Variants in LENG8 observed in about 807,000 individuals in gnomAD.
The protein encoded by LENG8 is leukocyte receptor cluster member 8.
Under a neutral mutation model 102.1 loss-of-function variants are expected in LENG8, and 28 were observed. The ratio of observed to expected loss-of-function variants is 0.27; its 90% CI spans 0.20 to 0.38. LENG8 has a LOEUF of 0.38. Among genes scored for constraint, LENG8 ranks in the 10% least tolerant of loss-of-function variants. LENG8 has a pLI of 1.00. For synonymous variants in LENG8, 531 were observed against 456.7 expected (o/e 1.16, Z -2.07); for missense variants, 1,022 against 1,113.9 (o/e 0.92, Z 1.17).
rs1265228503 is a variant in LENG8 at position 54,454,425 on chromosome 19, T to C, written c.427-5T>C. 1 of 1,597,822 alleles carries C rather than the reference T, an allele frequency of 6.3e-7. No homozygotes were observed. The highest frequency in any genetic ancestry group is 1.7e-5 in the Admixed American group (1 of 58,660). ...CCCGTGCTCAGCGCCTGCTTCCTTC[T>C]GCAGCCCCCAGTCCCCGGCATGGAT... On this transcript the variant is annotated splice_polypyrimidine_tract_variant and splice_region_variant and intron_variant, in intron 5 of 15. Transcript: ENST00000326764.
Position 54,461,055 on chromosome 19 carries a change from C to T in LENG8, c.*127C>T, listed in dbSNP as rs938151600. ...GGGAGTGCGCTCCAGGAAGAGCCAC[C>T]ATCCCTGCCCCCGTTTTCCCACCGG... On this transcript the variant is annotated 3_prime_UTR_variant, in exon 16 of 16. Coordinates refer to ENST00000326764, the MANE Select transcript of LENG8 (RefSeq NM_052925.4). 8.6e-5 allele frequency: 116 copies of T among 1,356,228 alleles called. No individual in the cohort carries two copies. The highest frequency in any genetic ancestry group is 1.1e-4 in the Non-Finnish European group (112 of 992,932). The allele number at this position is 1,356,228 out of a possible 1,614,324, so 84.0% of individuals were successfully genotyped here.
intron 7 of LENG8, 102 bp from the exon 8 acceptor site, chr19:54,455,262 C>T: frequency 6.6e-7 from 1 of 1,512,150 alleles, no homozygotes; most frequent in Admixed American, 1.7e-5. Context: ...AGAAGGAAAA[C>T]TTGGGGACTG....
intron 9 of LENG8, 37 bp downstream of exon 9, chr19:54,456,282 G>C (rs369291828): frequency 1.9e-6 from 3 of 1,614,094 alleles, no homozygotes; most frequent in African/African-American, 1.3e-5. Flanking sequence ...GTGTGAGGGA[G>C]GGGGAGGCGT....
chr19:54,461,583 C>A lies in LENG8; in HGVS notation c.*655C>A, dbSNP rs756590621. The A allele has an allele frequency of 2.1e-6, 1 of 472,638 alleles. No homozygotes were observed. The allele number at this position is 472,638 out of a possible 1,614,324, so 29.3% of individuals were successfully genotyped here. On this transcript the variant is annotated 3_prime_UTR_variant, in exon 16 of 16. Coordinates refer to ENST00000326764, the MANE Select transcript of LENG8 (RefSeq NM_052925.4). ...GTCTCAAGTTGTATAAAGTTGTCTC[C>A]GTGTCCCCTCCTCCCTCTGCCCCCA...
chr19:54,460,818 G>T lies in LENG8; in HGVS notation c.2293G>T (p.Gly765Cys). 2 of 1,584,984 alleles carry T rather than the reference G, an allele frequency of 1.3e-6. No homozygotes were observed. The highest frequency in any genetic ancestry group is 2.3e-5 in the East Asian group (1 of 42,730). ...CCTGCAGGCCGAGCTGGCCTTCGAG[G>T]GCGAGGCCGCCTGCCGGGCCTTCCT... is the stretch of plus-strand genomic sequence containing the variant. ...SYLQAELAFEGEAACRAFLEP... is the reference protein window; with the variant it reads ...SYLQAELAFECEAACRAFLEP... Residue 765 changes from glycine to cysteine, a missense_variant, in exon 16 of 16, where the codon GGC becomes TGC. Gly to Cys is a radical substitution (Grantham distance 159). Coordinates refer to ENST00000326764, the MANE Select transcript of LENG8 (RefSeq NM_052925.4).
intron 11 of LENG8, among the ~76,000 whole-genome samples, chr19:54,457,515 ATTT>A (rs1248820688): frequency 6.6e-6 from 1 of 151,134 alleles, no homozygotes; most frequent in Non-Finnish European, 1.5e-5. Context: ...TGATTTTTGT[ATTT>A]TTAGTAGAGA....
chr19:54,451,177 C>T, intron 1 of LENG8, 113 bp from the exon 2 acceptor site: 2 of 699,382 alleles, frequency 2.9e-6, no homozygotes, highest in South Asian at 1.7e-5. Flanking sequence ...GCTTTTCAGT[C>T]AGCCTCCCCT....
At position 54,451,309 on chromosome 19, in the gene LENG8, G is replaced by A; in HGVS notation, c.-36G>A. Reference sequence around the variant, plus strand: ...TCATAGACAGTGAAAAAGCAGTCTGGCTCCCGAGGTCCACCCCTTATACCC... The same window carrying A: ...TCATAGACAGTGAAAAAGCAGTCTGACTCCCGAGGTCCACCCCTTATACCC... On this transcript the variant is annotated 5_prime_UTR_variant, in exon 2 of 16. Coordinates refer to ENST00000326764, the MANE Select transcript of LENG8 (RefSeq NM_052925.4). 6.2e-7 allele frequency: 1 copy of A among 1,612,854 alleles called. No homozygotes were observed. Among genetic ancestry groups the A allele is most frequent in the Non-Finnish European group, 8.5e-7 (1 of 1,178,854 alleles).
chr19:54,454,621 A>G lies in LENG8; in HGVS notation c.618A>G (p.Pro206=), dbSNP rs762697433. The part of the protein sequence containing the change: ...AGPATGQAYG[P]HTYTEPAKPK... The stretch of plus-strand genomic sequence containing the variant: ...CCGCCACGGGCCAGGCCTATGGGCC[A>G]CACACCTACACCGAACCTGCCAAGC... Residue 206 remains proline (P), a synonymous_variant, in exon 6 of 16, where the codon CCA becomes CCG. Coordinates refer to ENST00000326764, the MANE Select transcript of LENG8 (RefSeq NM_052925.4). 11 of 1,609,728 alleles carry G rather than the reference A, an allele frequency of 6.8e-6. No homozygotes were observed. Among genetic ancestry groups the G allele is most frequent in the Non-Finnish European group, 8.5e-6 (10 of 1,179,278 alleles).
chr19:54,455,505 G>C lies in LENG8; in HGVS notation c.963G>C (p.Leu321=), dbSNP rs563142372. The C allele has an allele frequency of 1.2e-6, 2 of 1,614,030 alleles. No homozygotes were observed. Among genetic ancestry groups the C allele is most frequent in the South Asian group, 1.1e-5 (1 of 91,078 alleles). ...CGGAAAAGCTGCTCAAGGAGGTGCT[G>C]CAGGCGCGGCTGCAGGACGGCTCGG... is the stretch of plus-strand genomic sequence containing the variant. ...DRTEKLLKEV[L]QARLQDGSAY... The change falls in exon 8 of 16, where the codon CTG becomes CTC. Residue 321 remains leucine, a synonymous_variant. Coordinates refer to ENST00000326764, the MANE Select transcript of LENG8 (RefSeq NM_052925.4).
chr19:54,460,718 T>TTGGCG, intron 15 of LENG8, 48 bp from the exon 16 acceptor site: 1 of 1,048,034 alleles, frequency 9.5e-7, no homozygotes, highest in Non-Finnish European at 1.3e-6. Flanking sequence ...GGCCCTCCCC[T>TTGGCG]GCCCTCCCGC....
chr19:54,455,523 C>A lies in LENG8; in HGVS notation c.981C>A (p.Asp327Glu). The change falls in exon 8 of 16, where the codon GAC (aspartate) becomes GAA (glutamate). Residue 327 changes from aspartate to glutamate, a missense_variant. By Grantham distance (45) the Asp-to-Glu change is conservative. Coordinates refer to ENST00000326764, the MANE Select transcript of LENG8 (RefSeq NM_052925.4). Reference protein sequence around the residue: ...LKEVLQARLQDGSAYTIDWSR... With the variant: ...LKEVLQARLQEGSAYTIDWSR... ...AGGTGCTGCAGGCGCGGCTGCAGGACGGCTCGGCCTATACCATTGACTGGA... is the reference window on the plus strand; with the variant it reads ...AGGTGCTGCAGGCGCGGCTGCAGGAAGGCTCGGCCTATACCATTGACTGGA... 5 of 1,613,568 alleles carry A rather than the reference C, an allele frequency of 3.1e-6. No individual in the cohort carries two copies. The highest frequency in any genetic ancestry group is 4.2e-6 in the Non-Finnish European group (5 of 1,179,944).
chr19:54,449,949 G>C (rs1259223052), intron 1 of LENG8, among the ~76,000 whole-genome samples: 10 of 152,216 alleles, frequency 6.6e-5, no homozygotes. Flanking sequence ...GCGTTTCTAG[G>C]GCTTTTCCCC....
Position 54,461,849 on chromosome 19 carries a change from G to T in LENG8, c.*921G>T. The T allele has an allele frequency of 1.6e-5, 8 of 508,850 alleles. No individual in the cohort carries two copies. Among genetic ancestry groups the T allele is most frequent in the East Asian group, 5.5e-5 (1 of 18,100 alleles). 31.5% of individuals were successfully genotyped at this position (508,850 alleles called of 1,614,324 possible). ...GCCATGTAACTGGAGGATGTGCTAT[G>T]AGTTTGCAAACAGCTGGACTGTCAG... On this transcript the variant is annotated 3_prime_UTR_variant, in exon 16 of 16. Coordinates refer to ENST00000326764, the MANE Select transcript of LENG8 (RefSeq NM_052925.4).
At chr19:54,460,208 G>C in intron 15 of LENG8, 2 of 1,289,752 alleles carry the variant, frequency 1.6e-6, no homozygotes, top group African/African-American at 1.5e-5. Context: ...GGAAAGGGTA[G>C]GGCTGCACCC....
In LENG8 at chr19:54,456,240, C is replaced by T. The variant is rs1193071522; in HGVS notation, c.1299C>T (p.Arg433=). The change falls in exon 9 of 16, where the codon CGC becomes CGT. Residue 433 remains arginine (R), a synonymous_variant. Transcript: ENST00000326764. ...SSSRSPTRHF[R]RSDSHSDSDS... The stretch of plus-strand genomic sequence containing the variant: ...CCAGGTCCCCGACGCGCCACTTCCG[C>T]AGAAGGTACTGAGGCTCCCGGCTGG... The T allele has an allele frequency of 2.5e-6, 4 of 1,613,742 alleles. No individual in the cohort carries two copies. Among genetic ancestry groups the T allele is most frequent in the Non-Finnish European group, 3.4e-6 (4 of 1,179,794 alleles).
chr19:54,460,585 A>C (rs984365452), intron 15 of LENG8, 181 bp from the exon 16 acceptor site: 52 of 1,356,406 alleles, frequency 3.8e-5, no homozygotes, highest in Middle Eastern at 2.7e-4. Context: ...GGGGTCACTA[A>C]CCCCCCCCGG....
chr19:54,457,720 G>A (rs368201144), intron 11 of LENG8, 27 bp from the exon 12 acceptor site: 32 of 1,525,644 alleles, frequency 2.1e-5, no homozygotes, highest in African/African-American at 6.8e-5. Flanking sequence ...GTTGTACTCC[G>A]AGTGTGAATT....
At chr19:54,459,863 G>A (rs925631665) in intron 15 of LENG8, 75 of 1,166,612 alleles carry the variant, frequency 6.4e-5, no homozygotes, top group Non-Finnish European at 7.7e-5. Flanking sequence ...AGGCTGCTTA[G>A]TCTGCTGCCA....
Sources: gnomAD v4.1 joint callset for allele counts (sites outside exome capture counted in the v4.1 genomes callset) on GRCh38, gnomAD v4.1.1 for gene constraint, MANE v1.5 for transcripts, NCBI Gene and HGNC (gene_info 2026-07-23, HGNC 2026-07-21) for gene names.